FAT2: variants seen among roughly 807,000 people sequenced by gnomAD.
FAT2 encodes the protein protocadherin Fat 2.
FAT2 carries 150 observed loss-of-function variants against 295.3 expected under a neutral mutation model. The observed-to-expected ratio is 0.51, with a 90% CI of 0.44 to 0.58. The LOEUF is 0.58. Among genes scored for constraint, FAT2 ranks in the 20% least tolerant of loss-of-function variants. The probability of loss-of-function intolerance (pLI) is 0.00; values close to 1 mark genes in which losing one functional copy is unlikely to be tolerated. For missense variants in FAT2, 4,868 were observed against 5,442.7 expected, an observed-to-expected ratio of 0.89 and a Z score of 3.32; for synonymous variants, 2,026 against 2,150.3, an observed-to-expected ratio of 0.94 and a Z score of 1.60.
rs2127607622 is a variant in FAT2 at position 151,543,451 on chromosome 5, G to C, written c.7676C>G (p.Ala2559Gly). Residue 2559 changes from alanine to glycine, a missense_variant, in exon 10 of 24, where the codon GCT (alanine) becomes GGT (glycine). Transcript: ENST00000261800. ...TERVIAIKVM[A>G]RDGGGRVAFC... ...GGCTACTCTTCCTCCTCCATCCCGA[G>C]CCATGACCTTAATAGCAATGACTCT... 1 of 1,614,106 alleles carries C rather than the reference G, an allele frequency of 6.2e-7. No homozygotes were observed. The highest frequency in any genetic ancestry group is 8.5e-7 in the Non-Finnish European group (1 of 1,180,030).
chr5:151,556,932 G>A (rs918215393), intron 3 of FAT2, among the ~76,000 whole-genome samples: 3 of 152,128 alleles, frequency 2.0e-5, no homozygotes, highest in East Asian at 1.9e-4. Flanking sequence ...AATGAAACTC[G>A]GGGGAAAGCA....
chr5:151,580,698 A>G (rs1758918252), intron 1 of FAT2, among the ~76,000 whole-genome samples: 1 of 152,148 alleles, frequency 6.6e-6, no homozygotes, highest in African/African-American at 2.4e-5. Flanking sequence ...ATAATAACAG[A>G]TGTGATCTTC....
chr5:151,544,658 C>T lies in FAT2; in HGVS notation c.6469G>A (p.Glu2157Lys). 1 of 1,614,154 alleles carries T rather than the reference C, an allele frequency of 6.2e-7. No homozygotes were observed. The highest frequency in any genetic ancestry group is 1.3e-5 in the African/African-American group (1 of 75,026). Residue 2157 changes from glutamate (E) to lysine (K), a missense_variant, in exon 10 of 24, where the codon GAA becomes AAA. By Grantham distance (56) the Glu-to-Lys change is moderately conservative. Around this residue, in one of 5 missense-constraint regions of FAT2, gnomAD observed 3,297 missense variants for 3,669.4 expected, o/e 0.90. Coordinates refer to ENST00000261800, the MANE Select transcript of FAT2 (RefSeq NM_001447.3). ...TTTCTCACAGTGACAAGTACCTCTTCCTCACTCTGGAGGGATGGCGTTCCT... is the reference window on the plus strand; with the variant it reads ...TTTCTCACAGTGACAAGTACCTCTTTCTCACTCTGGAGGGATGGCGTTCCT... Reference protein sequence around the residue: ...DGGTPSLQSEEEVLVTVRNKS... With the variant: ...DGGTPSLQSEKEVLVTVRNKS...
intron 9 of FAT2, among the ~76,000 whole-genome samples, chr5:151,547,983 T>G (rs558943571): frequency 6.6e-6 from 1 of 152,204 alleles, no homozygotes; most frequent in Non-Finnish European, 1.5e-5. Flanking sequence ...ACTAATCTAA[T>G]CTGGAAAATA....
At chr5:151,515,307 A>T (rs917041156) in intron 20 of FAT2, among the ~76,000 whole-genome samples, 1 of 152,136 alleles carries the variant, frequency 6.6e-6, no homozygotes, top group Non-Finnish European at 1.5e-5. Flanking sequence ...AGACCTGCTA[A>T]TGTTGGAGGG....
At chr5:151,517,400 C>G (rs1159153317) in intron 20 of FAT2, among the ~76,000 whole-genome samples, 1 of 152,220 alleles carries the variant, frequency 6.6e-6, no homozygotes, top group African/African-American at 2.4e-5. Context: ...AGTAAGCAGC[C>G]CCACTTGTGA....
chr5:151,553,787 G>A (rs571308477), intron 5 of FAT2, among the ~76,000 whole-genome samples: 5 of 152,128 alleles, frequency 3.3e-5, no homozygotes, highest in African/African-American at 2.4e-5. Flanking sequence ...AGCTTTGTGC[G>A]CAATATCTGA....
At chr5:151,506,523 G>T (rs1002325006) in intron 23 of FAT2, among the ~76,000 whole-genome samples, 3 of 152,234 alleles carry the variant, frequency 2.0e-5, no homozygotes, top group East Asian at 1.9e-4. Flanking sequence ...ATGAGATGTG[G>T]CTCGGAAATC....
chr5:151,527,202 G>A (rs1347035207), intron 17 of FAT2, 32 bp downstream of exon 17: 1 of 1,565,404 alleles, frequency 6.4e-7, no homozygotes, highest in Non-Finnish European at 8.7e-7. Context: ...AAGGGAGGAA[G>A]GGCTCAGGGT....
At chr5:151,523,585 T>C (rs1421889802) in intron 18 of FAT2, among the ~76,000 whole-genome samples, 2 of 152,184 alleles carry the variant, frequency 1.3e-5, no homozygotes, top group Non-Finnish European at 2.9e-5. Flanking sequence ...ACCAATGCAA[T>C]TGATGGTGAT....
chr5:151,511,215 T>C (rs1215801199), intron 21 of FAT2: 1 of 152,132 alleles, frequency 6.6e-6, no homozygotes, highest in Non-Finnish European at 1.5e-5. Flanking sequence ...AGAAATGACA[T>C]GATTAGCCAG....
intron 14 of FAT2, among the ~76,000 whole-genome samples, chr5:151,530,830 A>T (rs55635440): frequency 0.21 from 32,599 of 152,206 alleles, 3,754 homozygotes; most frequent in Non-Finnish European, 0.25. Context: ...TGGTCTCTGC[A>T]GATGATTACT....
intron 1 of FAT2, among the ~76,000 whole-genome samples, chr5:151,569,812 T>G (rs1180156331): frequency 6.6e-6 from 1 of 152,234 alleles, no homozygotes; most frequent in African/African-American, 2.4e-5. Flanking sequence ...GGGGCTGAGC[T>G]CTAGCCAAAC....
At chr5:151,573,126 G>A (rs530313468) in intron 1 of FAT2, among the ~76,000 whole-genome samples, 123 of 152,312 alleles carry the variant, frequency 8.1e-4, no homozygotes, top group African/African-American at 2.7e-3. Flanking sequence ...CAAAGATGTG[G>A]AAGGCAGGAG....
chr5:151,563,325 C>G lies in FAT2; in HGVS notation c.3574G>C (p.Gly1192Arg), dbSNP rs1758104704. 6.2e-7 allele frequency: 1 copy of G among 1,613,338 alleles called. No homozygotes were observed. Among genetic ancestry groups the G allele is most frequent in the Non-Finnish European group, 8.5e-7 (1 of 1,179,714 alleles). The change falls in exon 3 of 24, where the codon GGT becomes CGT. Residue 1192 changes from glycine (G) to arginine (R), a missense_variant and splice_region_variant. By Grantham distance (125) the Gly-to-Arg change is moderately radical. Around this residue, in one of 5 missense-constraint regions of FAT2, gnomAD observed 3,297 missense variants for 3,669.4 expected, o/e 0.90. Coordinates refer to ENST00000261800, the MANE Select transcript of FAT2 (RefSeq NM_001447.3). ...MGFFMIHPVT[G>R]LLSTAQQLDR... ...TTCACCCAGCTTTTTGGATCCTTAC[C>G]TGTAACAGGGTGAATCATAAAGAAT...
intron 3 of FAT2, among the ~76,000 whole-genome samples, chr5:151,563,041 A>C (rs1439674388): frequency 6.6e-6 from 1 of 152,230 alleles, no homozygotes; most frequent in Non-Finnish European, 1.5e-5. Flanking sequence ...CAAGGAAAGA[A>C]ACATGAAGAC....
At chr5:151,557,333 G>A (rs1255844772) in intron 3 of FAT2, among the ~76,000 whole-genome samples, 1 of 152,086 alleles carries the variant, frequency 6.6e-6, no homozygotes, top group African/African-American at 2.4e-5. Flanking sequence ...TTCATTATCT[G>A]GGGTGAGGCT....
intron 15 of FAT2, 55 bp downstream of exon 15, chr5:151,529,123 T>A: frequency 1.3e-6 from 2 of 1,491,128 alleles, no homozygotes; most frequent in East Asian, 2.3e-5. Context: ...GGGGGTGAGA[T>A]AAGAACCCAT....
Position 151,550,496 on chromosome 5 carries a change from AGGGGAAG to A in FAT2, c.4578+87_4578+93del, listed in dbSNP as rs1312709536. ...CTCTGTCTCGTGCATGGTCCTTATG[AGGGGAAG>A]GGGGACCTTCAGCATGTCTCCAAGC... is the stretch of plus-strand genomic sequence containing the variant. On this transcript the variant is annotated intron_variant, in intron 8 of 23. Transcript: ENST00000261800. The A allele has an allele frequency of 3.6e-6, 5 of 1,390,994 alleles. No individual in the cohort carries two copies. In the Admixed American group the frequency reaches 9.2e-5, roughly 26 times the overall value. The allele number at this position is 1,390,994 out of a possible 1,614,324, so 86.2% of individuals were successfully genotyped here. A position where few individuals can be genotyped will look rare whatever the true frequency, so the allele number is the denominator to read the frequency against.
Sources: allele counts gnomAD v4.1 joint callset (sites outside exome capture counted in the v4.1 genomes callset), GRCh38; gene constraint gnomAD v4.1.1; regional missense constraint gnomAD v4.1.1; transcripts MANE v1.5; gene names NCBI Gene and HGNC (gene_info 2026-07-23, HGNC 2026-07-21).